The following MAT1A variants were observed in gnomAD, a reference collection of about 807,000 sequenced individuals.
MAT1A encodes S-adenosylmethionine synthase isoform type-1.
Under a neutral mutation model 44.0 loss-of-function variants are expected in MAT1A, and 19 were observed. The ratio of observed to expected loss-of-function variants is 0.43; its 90% confidence interval spans 0.30 to 0.63. The LOEUF (loss-of-function observed/expected upper bound fraction) is 0.63, where lower values mean the gene tolerates loss of function less well. Ranked by LOEUF, MAT1A falls within the 30% of genes least tolerant of loss-of-function variation. MAT1A has a pLI of 0.12. For missense variants in MAT1A, 397 were observed against 531.0 expected (o/e 0.75, Z 2.48); for synonymous variants, 205 against 205.6 (o/e 1.00, Z 0.03).
At position 80,274,505 on chromosome 10, in the gene MAT1A, C is replaced by T. The variant is rs147182952; in HGVS notation, c.1085+15G>A. On this transcript the variant is annotated intron_variant, in intron 8 of 8. Coordinates refer to ENST00000372213, the MANE Select transcript of MAT1A (RefSeq NM_000429.3). The stretch of plus-strand genomic sequence containing the variant: ...GGAGCAAGGTCCTGTGTAATAGCAG[C>T]GCATGGCACTTTACCTGACAATGAC... 3.7e-3 allele frequency: 6,006 copies of T among 1,614,110 alleles called. 31 individuals are homozygous for T. The highest frequency in any genetic ancestry group is 0.011 in the Middle Eastern group (66 of 6,062).
At chr10:80,274,740 A>C in intron 7 of MAT1A, 87 bp from the exon 8 acceptor site, 1 of 1,567,564 alleles carries the variant, frequency 6.4e-7, no homozygotes, top group African/African-American at 1.4e-5. Context: ...TGAAGGGACC[A>C]GCGGGGACCA....
chr10:80,275,211 G>C lies in MAT1A; in HGVS notation c.769-12C>G. 6.2e-7 allele frequency: 1 copy of C among 1,608,744 alleles called. No individual in the cohort carries two copies. Among genetic ancestry groups the C allele is most frequent in the Non-Finnish European group, 8.5e-7 (1 of 1,177,182 alleles). On this transcript the variant is annotated splice_polypyrimidine_tract_variant and intron_variant, in intron 6 of 8. Transcript: ENST00000372213. ...ACACCCGCATCCCCCTGCAGAGGGA[G>C]AGAAATCAAGATAAGAAGCAGAGCC...
chr10:80,275,497 A>G, intron 6 of MAT1A: 1 of 471,158 alleles, frequency 2.1e-6, no homozygotes, highest in South Asian at 2.1e-5. Context: ...GTCCATCACA[A>G]TGGAGAGATC....
rs1554841508 is a variant in MAT1A, at chr10:80,289,495, T to TTCTTC, written c.-73_-72insGAAGA. Reference sequence around the variant, plus strand: ...GGCTGTGACTTTGCCTGAGTTTTTTTTTCTTCTTCTTCTTCTTCTTTCAAC... The same window carrying TTCTTC: ...GGCTGTGACTTTGCCTGAGTTTTTTTTCTTCTTCTTCTTCTTCTTCTTCTTTCAAC... On this transcript the variant is annotated 5_prime_UTR_variant, in exon 1 of 9. Transcript: ENST00000372213. 1,148 of 864,170 alleles carry TTCTTC rather than the reference T, an allele frequency of 1.3e-3. 8 individuals carry two copies. The highest frequency in any genetic ancestry group is 0.013 in the East Asian group (476 of 37,630). The allele number at this position is 864,170 out of a possible 1,614,324, so 53.5% of individuals were successfully genotyped here.
At position 80,273,456 on chromosome 10, in the gene MAT1A, G is replaced by A. The variant is rs968210275; in HGVS notation, c.*325C>T. 8 of 363,670 alleles carry A rather than the reference G, an allele frequency of 2.2e-5. No homozygotes were observed. Among genetic ancestry groups the A allele is most frequent in the African/African-American group, 4.2e-5 (2 of 47,236 alleles). 22.5% of individuals were successfully genotyped at this position (363,670 alleles called of 1,614,324 possible). A position where few individuals can be genotyped will look rare whatever the true frequency, so the allele number is the denominator to read the frequency against. ...CAGGCAAGGGGAGGGAGGGGGAGCT[G>A]GTCAGGGTCCAGCTGTTGGGGGAGA... On this transcript the variant is annotated 3_prime_UTR_variant, in exon 9 of 9. Transcript: ENST00000372213.
intron 6 of MAT1A, chr10:80,275,525 T>C: frequency 7.1e-6 from 3 of 420,542 alleles, no homozygotes; most frequent in South Asian, 4.5e-5. Flanking sequence ...AGGCAGGAAC[T>C]GCACTGTCAT....
rs1841430304 is a variant in MAT1A, at chr10:80,273,027, G to A, written c.*754C>T. 6.6e-6 allele frequency: 1 copy of A among 152,342 alleles called. No individual in the cohort carries two copies. Among genetic ancestry groups the A allele is most frequent in the Non-Finnish European group, 1.5e-5 (1 of 68,250 alleles). 9.4% of individuals were successfully genotyped at this position (152,342 alleles called of 1,614,324 possible). ...ATCTGCTTTGTCATTGTTTGAGCCT[G>A]TTACTGGCATGAGACAACGGTGGGG... On this transcript the variant is annotated 3_prime_UTR_variant, in exon 9 of 9. Transcript: ENST00000372213.
chr10:80,279,088 C>G (rs566171085), intron 5 of MAT1A, among the ~76,000 whole-genome samples: 199 of 152,320 alleles, frequency 1.3e-3, no homozygotes, highest in Non-Finnish European at 2.4e-3. Context: ...TTTCCCCCTT[C>G]CCCTTGTAGG....
In MAT1A at chr10:80,276,550, C is replaced by T; in HGVS notation, c.594G>A (p.Val198=). The T allele has an allele frequency of 6.2e-7, 1 of 1,613,742 alleles. No homozygotes were observed. Among genetic ancestry groups the T allele is most frequent in the Non-Finnish European group, 8.5e-7 (1 of 1,180,038 alleles). The change falls in exon 6 of 9, where the codon GTG becomes GTA. Residue 198 remains valine, a synonymous_variant. Transcript: ENST00000372213. ...YMQDNGAVIP[V]RIHTIVISVQ... ...CAGAGATGACGATGGTGTGGATGCGCACAGGGATGACTGCGCCATTGTCCT... is the reference window on the plus strand; with the variant it reads ...CAGAGATGACGATGGTGTGGATGCGTACAGGGATGACTGCGCCATTGTCCT...
chr10:80,283,627 A>G (rs1841598214), intron 3 of MAT1A, among the ~76,000 whole-genome samples: 1 of 152,268 alleles, frequency 6.6e-6, no homozygotes, highest in African/African-American at 2.4e-5. Flanking sequence ...CCCTTTATTC[A>G]GTGCATCTTT....
intron 8 of MAT1A, 36 bp downstream of exon 8, chr10:80,274,484 C>T (rs892114869): frequency 6.2e-7 from 1 of 1,613,534 alleles, no homozygotes; most frequent in Non-Finnish European, 8.5e-7. Context: ...AAGGAAGGAG[C>T]AAGGTCCTGT....
chr10:80,273,707 G>A lies in MAT1A; in HGVS notation c.*74C>T, dbSNP rs1209631235. 9.2e-7 allele frequency: 1 copy of A among 1,083,396 alleles called. No individual in the cohort carries two copies. Among genetic ancestry groups the A allele is most frequent in the Non-Finnish European group, 1.4e-6 (1 of 698,652 alleles). The allele number at this position is 1,083,396 out of a possible 1,614,324, so 67.1% of individuals were successfully genotyped here. A position where few individuals can be genotyped will look rare whatever the true frequency, so the allele number is the denominator to read the frequency against. The stretch of plus-strand genomic sequence containing the variant: ...TGGTGGGTGGGGAAGGCGATCAGCA[G>A]CCAGGCGTCTGGGGAAGAGGAGCAT... On this transcript the variant is annotated 3_prime_UTR_variant, in exon 9 of 9. Coordinates refer to ENST00000372213, the MANE Select transcript of MAT1A (RefSeq NM_000429.3).
intron 1 of MAT1A, among the ~76,000 whole-genome samples, chr10:80,287,107 T>A (rs535920642): frequency 6.6e-6 from 1 of 152,226 alleles, no homozygotes; most frequent in Admixed American, 6.5e-5. Context: ...CCCATCAGAG[T>A]TCCTAGAAGC....
chr10:80,286,982 C>G (rs1841658453), intron 1 of MAT1A, among the ~76,000 whole-genome samples: 1 of 152,118 alleles, frequency 6.6e-6, no homozygotes, highest in South Asian at 2.1e-4. Flanking sequence ...AGTGGCAGAC[C>G]CTGGTAGTAC....
rs1454239857 is a variant in MAT1A, at chr10:80,273,692, G to A, written c.*89C>T. 4 of 944,176 alleles carry A rather than the reference G, an allele frequency of 4.2e-6. No individual in the cohort carries two copies. Among genetic ancestry groups the A allele is most frequent in the Non-Finnish European group, 7.0e-6 (4 of 571,624 alleles). The allele number at this position is 944,176 out of a possible 1,614,324, so 58.5% of individuals were successfully genotyped here. ...CTTTGCCCTGAGGGTTGGTGGGTGG[G>A]GAAGGCGATCAGCAGCCAGGCGTCT... is the stretch of plus-strand genomic sequence containing the variant. On this transcript the variant is annotated 3_prime_UTR_variant, in exon 9 of 9. Coordinates refer to ENST00000372213, the MANE Select transcript of MAT1A (RefSeq NM_000429.3).
intron 3 of MAT1A, among the ~76,000 whole-genome samples, chr10:80,283,530 G>A (rs973901758): frequency 5.9e-5 from 9 of 152,214 alleles, no homozygotes; most frequent in Admixed American, 1.3e-4. Flanking sequence ...CCATTTCCTC[G>A]TCTGCATAAG....
Position 80,285,499 on chromosome 10 carries a change from G to A in MAT1A, c.169+13C>T, listed in dbSNP as rs373667423. 21 of 1,611,824 alleles carry A rather than the reference G, an allele frequency of 1.3e-5. No homozygotes were observed. Among genetic ancestry groups the A allele is most frequent in the Middle Eastern group, 1.7e-4 (1 of 6,058 alleles). On this transcript the variant is annotated intron_variant, in intron 2 of 8. Transcript: ENST00000372213. The stretch of plus-strand genomic sequence containing the variant: ...CTTAGGTCTCCAGCAGGGAGGGATC[G>A]GGTGTTTCTTACCACAGGCCACCTT...
In MAT1A at chr10:80,280,153, G is replaced by C. The variant is rs952902027; in HGVS notation, c.549+20C>G. On this transcript the variant is annotated intron_variant, in intron 5 of 8. Transcript: ENST00000372213. ...TAAAGCTTCTGTCTAGGGCTCTCCT[G>C]GGGTAATTCAGCTGCTCACCTGAGT... is the stretch of plus-strand genomic sequence containing the variant. 6.2e-7 allele frequency: 1 copy of C among 1,613,756 alleles called. No individual in the cohort carries two copies. The highest frequency in any genetic ancestry group is 1.3e-5 in the African/African-American group (1 of 74,882).
At chr10:80,287,075 C>T (rs1841659349) in intron 1 of MAT1A, among the ~76,000 whole-genome samples, 1 of 152,204 alleles carries the variant, frequency 6.6e-6, no homozygotes, top group South Asian at 2.1e-4. Context: ...AAAATAAATA[C>T]ATGCTGGCCA....
Sources: gnomAD v4.1 joint callset for allele counts (sites outside exome capture counted in the v4.1 genomes callset) on GRCh38, gnomAD v4.1.1 for gene constraint, MANE v1.5 for transcripts, NCBI Gene and HGNC (gene_info 2026-07-23, HGNC 2026-07-21) for gene names.